Variants in TRIM9 observed in about 807,000 individuals in gnomAD.
The protein encoded by TRIM9 is E3 ubiquitin-protein ligase TRIM9.
A neutral mutation model predicts 78.3 loss-of-function variants in TRIM9; 26 were observed. The observed-to-expected ratio is 0.33, with a 90% CI of 0.24 to 0.46. TRIM9 has a LOEUF of 0.46. Ranked by LOEUF, TRIM9 falls within the 20% of genes least tolerant of loss-of-function variation. TRIM9 has a pLI of 1.00. For synonymous variants in TRIM9, 398 were observed against 416.5 expected (o/e 0.96, Z 0.54); for missense variants, 787 against 1,036.4 (o/e 0.76, Z 3.30).
intron 1 of TRIM9, among the ~76,000 whole-genome samples, chr14:51,033,238 G>A (rs2058880867): frequency 6.6e-6 from 1 of 152,060 alleles, no homozygotes; most frequent in African/African-American, 2.4e-5. Context: ...GACTACAGGT[G>A]TGTGCCACCA....
chr14:50,995,193 T>C (rs1174538669), intron 7 of TRIM9, among the ~76,000 whole-genome samples: 1 of 152,218 alleles, frequency 6.6e-6, no homozygotes, highest in Non-Finnish European at 1.5e-5. Context: ...ATAATTTCCA[T>C]TGAATTTAAT....
chr14:51,037,489 C>T (rs1260399846), intron 1 of TRIM9, among the ~76,000 whole-genome samples: 2 of 152,006 alleles, frequency 1.3e-5, no homozygotes, highest in East Asian at 1.9e-4. Context: ...AGCTAACTCA[C>T]AATGGTGATC....
chr14:51,087,512 G>C (rs1029248309), intron 1 of TRIM9, among the ~76,000 whole-genome samples: 6 of 152,202 alleles, frequency 3.9e-5, no homozygotes, highest in Admixed American at 2.0e-4. Flanking sequence ...TTAGGGTTGT[G>C]AGAACACCCC....
At chr14:50,979,302 C>G in intron 12 of TRIM9, 85 bp downstream of exon 12, 4 of 1,608,978 alleles carry the variant, frequency 2.5e-6, no homozygotes, top group Non-Finnish European at 1.7e-6. Flanking sequence ...CAGCTTCCCT[C>G]TCTTCGGTTG....
At chr14:51,070,163 C>G (rs2062093114) in intron 1 of TRIM9, among the ~76,000 whole-genome samples, 1 of 152,166 alleles carries the variant, frequency 6.6e-6, no homozygotes, top group Non-Finnish European at 1.5e-5. Context: ...TAAATGCTGT[C>G]TAGCATTCCT....
chr14:51,017,484 C>T (rs1002978049), intron 3 of TRIM9, among the ~76,000 whole-genome samples: 3 of 152,146 alleles, frequency 2.0e-5, no homozygotes, highest in African/African-American at 7.2e-5. Context: ...GCAAAGCATG[C>T]TCTTAATGTA....
intron 1 of TRIM9, among the ~76,000 whole-genome samples, chr14:51,044,052 A>C (rs1362060953): frequency 6.6e-6 from 1 of 152,202 alleles, no homozygotes; most frequent in Non-Finnish European, 1.5e-5. Flanking sequence ...TCCATGATGA[A>C]ATTAAATTTT....
At chr14:50,980,722 A>G (rs2139293019) in intron 11 of TRIM9, among the ~76,000 whole-genome samples, 1 of 152,366 alleles carries the variant, frequency 6.6e-6, no homozygotes, top group South Asian at 2.1e-4. Context: ...CAAAATGCCG[A>G]TCACTGAAGA....
At chr14:51,065,622 G>T (rs1267474852) in intron 1 of TRIM9, among the ~76,000 whole-genome samples, 1 of 152,200 alleles carries the variant, frequency 6.6e-6, no homozygotes, top group Admixed American at 6.5e-5. Context: ...GAGTTGAGAT[G>T]AAGGTTAGAT....
In TRIM9 at chr14:51,050,422, C is replaced by T. The variant is rs146401098; in HGVS notation, c.823-25062G>A. Reference sequence around the variant, plus strand: ...TTGCCTGCCACCATGTAAGACATGCCTTTCGCCTTCCACCATGATTGTGAG... The same window carrying T: ...TTGCCTGCCACCATGTAAGACATGCTTTTCGCCTTCCACCATGATTGTGAG... On this transcript the variant is annotated intron_variant, in intron 1 of 12. Transcript: ENST00000684578. 1.9e-3 allele frequency among the ~76,000 whole-genome samples: 291 copies of T among 152,304 alleles called. 1 individual carries two copies. Among genetic ancestry groups the T allele is most frequent in the Non-Finnish European group, 3.0e-3 (205 of 68,024 alleles).
intron 3 of TRIM9, 150 bp downstream of exon 3, chr14:51,022,685 T>G (rs1483241183): frequency 1.7e-6 from 2 of 1,186,804 alleles, no homozygotes; most frequent in East Asian, 4.8e-5. Flanking sequence ...AAGGGAGGTG[T>G]CTGTTCCTTT....
intron 1 of TRIM9, among the ~76,000 whole-genome samples, chr14:51,076,816 C>T (rs867295120): frequency 7.9e-5 from 12 of 152,298 alleles, no homozygotes; most frequent in Non-Finnish European, 1.2e-4. Context: ...AGCCTACCAC[C>T]GTCCTTCCCA....
At chr14:51,051,772 G>A (rs1474193481) in intron 1 of TRIM9, among the ~76,000 whole-genome samples, 1 of 152,030 alleles carries the variant, frequency 6.6e-6, no homozygotes, top group East Asian at 1.9e-4. Context: ...TTCAAGGCCA[G>A]CCTGGCCAAC....
chr14:51,006,578 T>C (rs1252882436), intron 5 of TRIM9, among the ~76,000 whole-genome samples: 1 of 152,028 alleles, frequency 6.6e-6, no homozygotes, highest in Non-Finnish European at 1.5e-5. Context: ...TTAAACTCAA[T>C]GAGCACAAAG....
intron 1 of TRIM9, among the ~76,000 whole-genome samples, chr14:51,051,227 T>C (rs1304379044): frequency 1.3e-5 from 2 of 152,328 alleles, no homozygotes; most frequent in East Asian, 3.9e-4. Context: ...TCCTGAAAAT[T>C]TCCTATATCT....
At chr14:50,991,689 C>T (rs762090145) in intron 7 of TRIM9, among the ~76,000 whole-genome samples, 6 of 152,204 alleles carry the variant, frequency 3.9e-5, no homozygotes, top group Non-Finnish European at 5.9e-5. Flanking sequence ...TGCTTCATAG[C>T]ATTTTCTGAA....
At chr14:51,017,269 T>C (rs867439050) in intron 3 of TRIM9, among the ~76,000 whole-genome samples, 1 of 152,234 alleles carries the variant, frequency 6.6e-6, no homozygotes, top group African/African-American at 2.4e-5. Flanking sequence ...ATGTTATTAA[T>C]TTACCCACAC....
chr14:51,081,205 C>A (rs2063278297), intron 1 of TRIM9, among the ~76,000 whole-genome samples: 2 of 152,160 alleles, frequency 1.3e-5, no homozygotes, highest in African/African-American at 4.8e-5. Flanking sequence ...ATAGACATTT[C>A]TCTTAAAAAA....
chr14:51,016,081 G>A (rs2057157214), intron 3 of TRIM9, among the ~76,000 whole-genome samples: 1 of 152,112 alleles, frequency 6.6e-6, no homozygotes, highest in African/African-American at 2.4e-5. Flanking sequence ...ATCCACAGAT[G>A]CTCAAGTCCC....
Sources: allele counts gnomAD v4.1 joint callset (sites outside exome capture counted in the v4.1 genomes callset), GRCh38; gene constraint gnomAD v4.1.1; transcripts MANE v1.5; gene names NCBI Gene and HGNC (gene_info 2026-07-23, HGNC 2026-07-21).